The following PRKD1 variants were observed in gnomAD, a reference collection of about 807,000 sequenced individuals.
PRKD1 encodes the protein serine/threonine-protein kinase D1.
PRKD1 carries 63 observed loss-of-function variants against 95.9 expected under a neutral mutation model. The observed-to-expected ratio is 0.66, with a 90% CI of 0.54 to 0.81. The LOEUF (loss-of-function observed/expected upper bound fraction) is 0.81. Ranked by LOEUF, PRKD1 falls within the 30% of genes least tolerant of loss-of-function variation. The pLI is 0.00. For missense variants in PRKD1, 1,048 were observed against 1,165.3 expected (o/e 0.90, Z 1.47); for synonymous variants, 425 against 423.1 (o/e 1.00, Z -0.05).
At chr14:29,827,232 T>C (rs1891234113) in intron 1 of PRKD1, among the ~76,000 whole-genome samples, 1 of 152,036 alleles carries the variant, frequency 6.6e-6, no homozygotes, top group African/African-American at 2.4e-5. Context: ...GCAAATAATT[T>C]TTTTTAAAAA....
At chr14:29,626,288 C>T (rs1879615864) in intron 12 of PRKD1, among the ~76,000 whole-genome samples, 196 bp downstream of exon 12, 1 of 152,052 alleles carries the variant, frequency 6.6e-6, no homozygotes, top group South Asian at 2.1e-4. Context: ...CCTTCTCTTT[C>T]AAAACACACA....
In PRKD1 at chr14:29,733,839, T is replaced by C. The variant is rs138469756; in HGVS notation, c.265-8165A>G. 8.2e-4 allele frequency among the ~76,000 whole-genome samples: 125 copies of C among 152,196 alleles called. 2 individuals are homozygous for C. In the East Asian group the frequency reaches 0.018, roughly 22 times the overall value. ...ATATATACCCAGTAAACTTTTCATATAAATATTATATTTTTCAGTTCTAAA... is the reference window on the plus strand; with the variant it reads ...ATATATACCCAGTAAACTTTTCATACAAATATTATATTTTTCAGTTCTAAA... On this transcript the variant is annotated intron_variant, in intron 1 of 17. Coordinates refer to ENST00000331968, the MANE Select transcript of PRKD1 (RefSeq NM_002742.3).
chr14:29,846,103 G>A (rs1354116062), intron 1 of PRKD1, among the ~76,000 whole-genome samples: 1 of 152,144 alleles, frequency 6.6e-6, no homozygotes, highest in Non-Finnish European at 1.5e-5. Context: ...AGTAGTGATA[G>A]TTCCTGCTCA....
intron 1 of PRKD1, among the ~76,000 whole-genome samples, chr14:29,917,268 A>T (rs996263642): frequency 1.3e-5 from 2 of 152,194 alleles, no homozygotes; most frequent in Non-Finnish European, 2.9e-5. Flanking sequence ...CATTAATATG[A>T]TGGATTTAGA....
At chr14:29,824,374 C>A (rs922001639) in intron 1 of PRKD1, among the ~76,000 whole-genome samples, 3 of 152,176 alleles carry the variant, frequency 2.0e-5, no homozygotes, top group Non-Finnish European at 4.4e-5. Flanking sequence ...TGAACCACCA[C>A]ATGATTTAAA....
chr14:29,778,676 C>A (rs1260757748), intron 1 of PRKD1, among the ~76,000 whole-genome samples: 1 of 152,110 alleles, frequency 6.6e-6, no homozygotes, highest in Non-Finnish European at 1.5e-5. Context: ...CGTCCAGGAC[C>A]AGATGGATTC....
In PRKD1 at chr14:29,863,365, G is replaced by T. The variant is rs188576669; in HGVS notation, c.264+63884C>A. Among the ~76,000 whole-genome samples, 19 of 152,168 alleles carry T rather than the reference G, an allele frequency of 1.2e-4. No individual in the cohort carries two copies. In the East Asian group the frequency reaches 3.7e-3, roughly 29 times the overall value. On this transcript the variant is annotated intron_variant, in intron 1 of 17. Coordinates refer to ENST00000331968, the MANE Select transcript of PRKD1 (RefSeq NM_002742.3). ...AAGACAGTGGAATTAAAAATGAAGT[G>T]GTTTTAACTAAATATTTCACCAATA... is the stretch of plus-strand genomic sequence containing the variant.
chr14:29,591,137 A>G (rs1893111704), intron 16 of PRKD1: 1 of 152,070 alleles, frequency 6.6e-6, no homozygotes, highest in Non-Finnish European at 1.5e-5. Context: ...TTTATTATAC[A>G]CGACTTTGTT....
chr14:29,896,086 T>C (rs1156785945), intron 1 of PRKD1, among the ~76,000 whole-genome samples: 1 of 152,182 alleles, frequency 6.6e-6, no homozygotes, highest in Non-Finnish European at 1.5e-5. Context: ...AGGAGCGCAA[T>C]ATATATTTGT....
intron 1 of PRKD1, among the ~76,000 whole-genome samples, chr14:29,807,734 T>C (rs1317072393): frequency 1.3e-5 from 2 of 151,740 alleles, no homozygotes; most frequent in Admixed American, 1.3e-4. Flanking sequence ...TTTCCTTTTT[T>C]TTTTGAGACA....
At chr14:29,857,660 C>T (rs915395013) in intron 1 of PRKD1, among the ~76,000 whole-genome samples, 1 of 152,136 alleles carries the variant, frequency 6.6e-6, no homozygotes, top group East Asian at 1.9e-4. Flanking sequence ...AGAAGTTGTT[C>T]AGTCAAACTG....
chr14:29,907,516 T>C (rs1466781289), intron 1 of PRKD1, among the ~76,000 whole-genome samples: 4 of 152,210 alleles, frequency 2.6e-5, no homozygotes, highest in Admixed American at 6.5e-5. Flanking sequence ...CAAAGATCCC[T>C]GGTCGTGTGG....
intron 4 of PRKD1, among the ~76,000 whole-genome samples, chr14:29,651,652 T>C (rs1019479686): frequency 7.2e-6 from 1 of 138,894 alleles, no homozygotes; most frequent in Non-Finnish European, 1.5e-5. Flanking sequence ...AAATCTTTCT[T>C]TTTTTTTTTT....
At chr14:29,681,895 T>C (rs1883559163) in intron 2 of PRKD1, among the ~76,000 whole-genome samples, 1 of 152,136 alleles carries the variant, frequency 6.6e-6, no homozygotes, top group South Asian at 2.1e-4. Flanking sequence ...TTTAAAAGGA[T>C]TAGTACAAGC....
chr14:29,837,738 T>C (rs1891666200), intron 1 of PRKD1, among the ~76,000 whole-genome samples: 1 of 152,200 alleles, frequency 6.6e-6, no homozygotes, highest in Admixed American at 6.5e-5. Context: ...TAATCATAAC[T>C]AAAACATTGA....
Position 29,577,294 on chromosome 14 carries a change from G to A in PRKD1, c.2683C>T (p.Pro895Ser), listed in dbSNP as rs1183967758. The A allele has an allele frequency of 6.2e-7, 1 of 1,613,828 alleles. No homozygotes were observed. Among genetic ancestry groups the A allele is most frequent in the Non-Finnish European group, 8.5e-7 (1 of 1,179,836 alleles). ...INPSASHSDTPETEETEMKAL... is the reference protein window; with the variant it reads ...INPSASHSDTSETEETEMKAL... Reference sequence around the variant, plus strand: ...TTCATTTCTGTTTCTTCAGTCTCAGGAGTGTCACTGTGGCTAGCACTTGGA... The same window carrying A: ...TTCATTTCTGTTTCTTCAGTCTCAGAAGTGTCACTGTGGCTAGCACTTGGA... The change falls in exon 18 of 18, where the codon CCT becomes TCT. Residue 895 changes from proline to serine, a missense_variant. By Grantham distance (74) the Pro-to-Ser change is moderately conservative. Transcript: ENST00000331968.
At position 29,650,567 on chromosome 14, in the gene PRKD1, T is replaced by TG. The variant is rs200165346; in HGVS notation, c.697-11664dup. 1,190 of 151,794 alleles carry TG rather than the reference T, an allele frequency of 7.8e-3. 10 individuals are homozygous for TG. The highest frequency in any genetic ancestry group is 0.015 in the South Asian group (71 of 4,788). 9.4% of individuals were successfully genotyped at this position (151,794 alleles called of 1,614,324 possible). ...GAATTAAGGGACCAGAGAGACTGAA[T>TG]GGGGGGGGCAGGAGAGTTTATTTAA... On this transcript the variant is annotated intron_variant, in intron 4 of 17. Transcript: ENST00000331968.
At chr14:29,753,735 C>CT (rs1452743777) in intron 1 of PRKD1, among the ~76,000 whole-genome samples, 2 of 152,098 alleles carry the variant, frequency 1.3e-5, no homozygotes, top group Non-Finnish European at 2.9e-5. Flanking sequence ...TCCTTTTTAG[C>CT]TTTTGGAATG....
At chr14:29,855,953 T>C (rs1892483376) in intron 1 of PRKD1, among the ~76,000 whole-genome samples, 1 of 152,332 alleles carries the variant, frequency 6.6e-6, no homozygotes, top group Middle Eastern at 3.4e-3. Context: ...CCTCTTTCTT[T>C]TGTAAATTGC....
Sources: gnomAD v4.1 joint callset for allele counts (sites outside exome capture counted in the v4.1 genomes callset) on GRCh38, gnomAD v4.1.1 for gene constraint, MANE v1.5 for transcripts, NCBI Gene and HGNC (gene_info 2026-07-23, HGNC 2026-07-21) for gene names.